The following DENND2A variants were observed in gnomAD, a reference collection of about 807,000 sequenced individuals.
DENND2A encodes the protein DENN domain-containing protein 2A.
In DENND2A, 53 loss-of-function variants were observed where a neutral mutation model predicts 105.3. That is an observed-to-expected ratio of 0.50 (90% confidence interval 0.40 to 0.63). DENND2A has a LOEUF of 0.63. Among genes scored for constraint, DENND2A ranks in the 30% least tolerant of loss-of-function variants. DENND2A has a pLI of 0.00. For missense variants in DENND2A, 1,138 were observed against 1,279.6 expected (o/e 0.89, Z 1.69); for synonymous variants, 522 against 508.4 (o/e 1.03, Z -0.36).
At chr7:140,590,376 A>G (rs1395801084) in intron 3 of DENND2A, among the ~76,000 whole-genome samples, 3 of 151,596 alleles carry the variant, frequency 2.0e-5, no homozygotes, top group Non-Finnish European at 4.4e-5. Flanking sequence ...GGCGACAGAG[A>G]CTCTGTCTCA....
intron 14 of DENND2A, among the ~76,000 whole-genome samples, chr7:140,535,471 G>A (rs1270369949): frequency 1.3e-5 from 2 of 152,038 alleles, no homozygotes; most frequent in East Asian, 3.9e-4. Context: ...GTGATCTCAG[G>A]TAAAGCCCTG....
In DENND2A at chr7:140,589,555, C is replaced by T. The variant is rs77840185; in HGVS notation, c.996-1775G>A. On this transcript the variant is annotated intron_variant, in intron 3 of 19. Transcript: ENST00000496613. ...GCCTTGACTGCCTAGAATTACAGCACGACCCTGGCTGAGTTTGGCCTTTTC... is the reference window on the plus strand; with the variant it reads ...GCCTTGACTGCCTAGAATTACAGCATGACCCTGGCTGAGTTTGGCCTTTTC... Among the ~76,000 whole-genome samples, 1,344 of 152,282 alleles carry T rather than the reference C, an allele frequency of 8.8e-3. 14 individuals are homozygous for T. Among genetic ancestry groups the T allele is most frequent in the African/African-American group, 0.029 (1,216 of 41,548 alleles).
intron 1 of DENND2A, among the ~76,000 whole-genome samples, chr7:140,632,750 G>A (rs1800776361): frequency 6.7e-6 from 1 of 149,852 alleles, no homozygotes; most frequent in Non-Finnish European, 1.5e-5. Flanking sequence ...TGTATTTTTA[G>A]TAGAGATGGG....
intron 8 of DENND2A, among the ~76,000 whole-genome samples, chr7:140,568,170 G>A (rs527569080): frequency 2.4e-4 from 37 of 152,162 alleles, no homozygotes; most frequent in African/African-American, 8.4e-4. Flanking sequence ...TTGAACTCCC[G>A]ACCTTGTGAT....
chr7:140,569,112 G>C (rs1797987792), intron 7 of DENND2A, among the ~76,000 whole-genome samples: 1 of 152,132 alleles, frequency 6.6e-6, no homozygotes, highest in Admixed American at 6.5e-5. Flanking sequence ...TTTTAGTAGA[G>C]ACAAGGTTTT....
chr7:140,622,742 CTTATTT>C (rs1305897383), intron 1 of DENND2A, among the ~76,000 whole-genome samples: 2 of 151,530 alleles, frequency 1.3e-5, no homozygotes, highest in East Asian at 1.9e-4. Context: ...TCTTCTTCTT[CTTATTT>C]TTATGTGGAG....
intron 3 of DENND2A, among the ~76,000 whole-genome samples, chr7:140,597,279 G>A (rs1400113617): frequency 6.6e-6 from 1 of 152,194 alleles, no homozygotes. Flanking sequence ...GCCTGGCCAT[G>A]AAATTTGAAA....
At chr7:140,615,022 A>G (rs1800032157) in intron 1 of DENND2A, among the ~76,000 whole-genome samples, 1 of 152,068 alleles carries the variant, frequency 6.6e-6, no homozygotes, top group African/African-American at 2.4e-5. Context: ...GTGCACCACC[A>G]CGCCTGGCTA....
intron 8 of DENND2A, 25 bp from the exon 9 acceptor site, chr7:140,567,298 GAGAGAA>G (rs200753751): frequency 0.027 from 28,619 of 1,061,396 alleles, 94 homozygotes; most frequent in African/African-American, 0.06. Context: ...GAGAGAGAAA[GAGAGAA>G]AGAGAGAGAG....
chr7:140,562,363 T>C (rs1797651762), intron 9 of DENND2A, among the ~76,000 whole-genome samples: 1 of 151,798 alleles, frequency 6.6e-6, no homozygotes, highest in Non-Finnish European at 1.5e-5. Flanking sequence ...GTTTCCAACT[T>C]TAAAAACCAC....
chr7:140,530,826 G>A (rs1365293059), intron 14 of DENND2A, among the ~76,000 whole-genome samples: 1 of 152,008 alleles, frequency 6.6e-6, no homozygotes, highest in East Asian at 1.9e-4. Context: ...CACCTCCCGT[G>A]TTCAAGTGAT....
At chr7:140,619,157 G>A (rs569220736) in intron 1 of DENND2A, among the ~76,000 whole-genome samples, 1 of 152,172 alleles carries the variant, frequency 6.6e-6, no homozygotes, top group Non-Finnish European at 1.5e-5. Flanking sequence ...GATGTAAAAA[G>A]TGTTTGCATA....
At chr7:140,562,518 T>C (rs1797667378) in intron 9 of DENND2A, among the ~76,000 whole-genome samples, 1 of 151,760 alleles carries the variant, frequency 6.6e-6, no homozygotes, top group Non-Finnish European at 1.5e-5. Flanking sequence ...AAAAATTAGC[T>C]GGGTGTGGTG....
At chr7:140,608,470 G>A (rs547069416) in intron 1 of DENND2A, among the ~76,000 whole-genome samples, 2 of 152,126 alleles carry the variant, frequency 1.3e-5, no homozygotes, top group South Asian at 4.2e-4. Flanking sequence ...TGAGCTCAGG[G>A]GATTGAAACC....
intron 1 of DENND2A, among the ~76,000 whole-genome samples, chr7:140,622,000 G>C (rs1259607913): frequency 6.6e-6 from 1 of 152,158 alleles, no homozygotes; most frequent in African/African-American, 2.4e-5. Flanking sequence ...TCTTTGTAGG[G>C]GTCAAGCAAC....
chr7:140,548,963 A>C (rs1451839910), intron 12 of DENND2A, among the ~76,000 whole-genome samples: 1 of 151,946 alleles, frequency 6.6e-6, no homozygotes, highest in African/African-American at 2.4e-5. Flanking sequence ...TCCCACCTGT[A>C]ATCCCAACAT....
chr7:140,636,684 C>CTTTTT (rs35563637), intron 1 of DENND2A, among the ~76,000 whole-genome samples: 3 of 98,376 alleles, frequency 3.0e-5, no homozygotes, highest in African/African-American at 8.1e-5. Context: ...CCTCCCCAGC[C>CTTTTT]TTTTTTTTTT....
At position 140,634,199 on chromosome 7, in the gene DENND2A, C is replaced by T. The variant is rs529184327; in HGVS notation, c.-248+6305G>A. 1.1e-4 allele frequency among the ~76,000 whole-genome samples: 16 copies of T among 151,992 alleles called. No individual in the cohort carries two copies. In the South Asian group the frequency reaches 1.5e-3, roughly 14 times the overall value. On this transcript the variant is annotated intron_variant, in intron 1 of 19. Transcript: ENST00000496613. The stretch of plus-strand genomic sequence containing the variant: ...ATTTTTAGTAGAGACGGGGTTTCAC[C>T]GTGTTAGCCAGGACCGTCTTGATCT...
intron 18 of DENND2A, among the ~76,000 whole-genome samples, chr7:140,521,523 T>G (rs1421617703): frequency 6.6e-6 from 1 of 152,172 alleles, no homozygotes; most frequent in Non-Finnish European, 1.5e-5. Context: ...GTGATCTGCA[T>G]GCCTTGGCCT....
Sources: allele counts gnomAD v4.1 joint callset (sites outside exome capture counted in the v4.1 genomes callset), GRCh38; gene constraint gnomAD v4.1.1; transcripts MANE v1.5; gene names NCBI Gene and HGNC (gene_info 2026-07-23, HGNC 2026-07-21).